The following VEPH1 variants were observed in gnomAD, a reference collection of about 807,000 sequenced individuals.
The protein encoded by VEPH1 is ventricular zone expressed PH domain containing 1, also known as ventricular zone-expressed PH domain-containing protein homolog 1.
VEPH1 carries 80 observed loss-of-function variants against 85.2 expected under a neutral mutation model. That is an observed-to-expected ratio of 0.94 (90% CI 0.78 to 1.13). The LOEUF (loss-of-function observed/expected upper bound fraction) is 1.13. VEPH1 is among the 50% of genes most tolerant of loss of function. The pLI is 0.00. For missense variants in VEPH1, 955 were observed against 980.5 expected (o/e 0.97, Z 0.35); for synonymous variants, 297 against 348.0 (o/e 0.85, Z 1.63).
chr3:157,491,374 G>A (rs1354630663), intron 2 of VEPH1, among the ~76,000 whole-genome samples: 1 of 152,146 alleles, frequency 6.6e-6, no homozygotes, highest in African/African-American at 2.4e-5. Flanking sequence ...AGCCTGGGAG[G>A]AAAGCCAAGT....
chr3:157,481,465 C>CAAAAAA (rs1553796737), intron 2 of VEPH1, among the ~76,000 whole-genome samples: 1 of 63,334 alleles, frequency 1.6e-5, no homozygotes, highest in Non-Finnish European at 3.1e-5. Context: ...CACACACACA[C>CAAAAAA]AAAAAAAAAA....
intron 4 of VEPH1, among the ~76,000 whole-genome samples, chr3:157,440,684 A>G (rs1734050100): frequency 6.7e-6 from 1 of 150,270 alleles, no homozygotes; most frequent in African/African-American, 2.5e-5. Flanking sequence ...GTATACATAC[A>G]TATATATATA....
At chr3:157,416,147 A>T (rs1731893472) in intron 5 of VEPH1, among the ~76,000 whole-genome samples, 1 of 152,194 alleles carries the variant, frequency 6.6e-6, no homozygotes, top group South Asian at 2.1e-4. Flanking sequence ...GCAATAAATC[A>T]AAGGAAGGTA....
chr3:157,332,855 C>G (rs1722632039), intron 9 of VEPH1, among the ~76,000 whole-genome samples: 1 of 152,098 alleles, frequency 6.6e-6, no homozygotes, highest in Admixed American at 6.6e-5. Context: ...CTTACAATGT[C>G]CAAACTTAAA....
At chr3:157,320,149 G>A (rs140317757) in intron 9 of VEPH1, among the ~76,000 whole-genome samples, 5 of 152,252 alleles carry the variant, frequency 3.3e-5, no homozygotes, top group African/African-American at 9.6e-5. Flanking sequence ...GATATGTGTT[G>A]AGAGCAATAG....
chr3:157,379,078 A>G (rs1310138573), intron 7 of VEPH1, among the ~76,000 whole-genome samples: 2 of 152,220 alleles, frequency 1.3e-5, no homozygotes, highest in Non-Finnish European at 2.9e-5. Flanking sequence ...AGTGCTTACT[A>G]TCTGTTAATT....
rs1370260761 is a variant in VEPH1 at position 157,503,274 on chromosome 3, T to A, written c.-158+3A>T. On this transcript the variant is annotated splice_donor_region_variant and intron_variant, in intron 1 of 13. Transcript: ENST00000362010. ...AAAAGGTCATGAAAGAAGATAGCCA[T>A]ACCTCTTTGCACAGGAATCTCTGGT... is the stretch of plus-strand genomic sequence containing the variant. The A allele has an allele frequency of 6.6e-6, 1 of 152,256 alleles. No homozygotes were observed. The highest frequency in any genetic ancestry group is 2.4e-5 in the African/African-American group (1 of 41,468). 9.4% of individuals were successfully genotyped at this position (152,256 alleles called of 1,614,324 possible). A position where few individuals can be genotyped will look rare whatever the true frequency, so the allele number is the denominator to read the frequency against.
chr3:157,261,338 G>T lies in VEPH1; in HGVS notation c.2298C>A (p.Leu766=), dbSNP rs1207680369. The change falls in exon 14 of 14, where the codon CTC becomes CTA. Residue 766 remains leucine, a synonymous_variant. Coordinates refer to ENST00000362010, the MANE Select transcript of VEPH1 (RefSeq NM_001167912.2). ...KDDPDDCPIE[L]SKVQSVKAVA... ...CAGCCTTCACACTCTGTACTTTGCT[G>T]AGTTCTATTGGGCAGTCGTCAGGGT... 6.2e-7 allele frequency: 1 copy of T among 1,613,532 alleles called. No individual in the cohort carries two copies. The highest frequency in any genetic ancestry group is 8.5e-7 in the Non-Finnish European group (1 of 1,179,696).
chr3:157,351,233 G>A (rs1333166696), intron 9 of VEPH1, among the ~76,000 whole-genome samples: 1 of 152,028 alleles, frequency 6.6e-6, no homozygotes, highest in Admixed American at 6.6e-5. Context: ...ATCACCTGAG[G>A]TCAGGAGTTC....
At chr3:157,377,867 ATATT>A (rs1316555004) in intron 7 of VEPH1, among the ~76,000 whole-genome samples, 3 of 152,176 alleles carry the variant, frequency 2.0e-5, no homozygotes, top group African/African-American at 4.8e-5. Context: ...TATTAAAAAT[ATATT>A]TTCCTGTTAA....
intron 9 of VEPH1, among the ~76,000 whole-genome samples, chr3:157,347,593 C>CG (rs1210616011): frequency 1.3e-5 from 2 of 152,146 alleles, no homozygotes; most frequent in Non-Finnish European, 2.9e-5. Flanking sequence ...GCAAGTGCAG[C>CG]GGGGGAGTAG....
chr3:157,456,248 T>C (rs1218997664), intron 4 of VEPH1, among the ~76,000 whole-genome samples: 1 of 152,184 alleles, frequency 6.6e-6, no homozygotes, highest in East Asian at 1.9e-4. Flanking sequence ...TTCTTATAGA[T>C]GTTGGATATT....
chr3:157,322,520 T>G, intron 9 of VEPH1, among the ~76,000 whole-genome samples: 1 of 152,192 alleles, frequency 6.6e-6, no homozygotes, highest in East Asian at 1.9e-4. Context: ...ATGTTTAGAT[T>G]TTTTGAGGAA....
chr3:157,278,949 G>A (rs1447543319), intron 12 of VEPH1, among the ~76,000 whole-genome samples: 1 of 152,162 alleles, frequency 6.6e-6, no homozygotes, highest in Non-Finnish European at 1.5e-5. Context: ...TCTGGAGTCT[G>A]AGGTGGGATG....
intron 9 of VEPH1, among the ~76,000 whole-genome samples, chr3:157,338,161 G>C (rs1341164556): frequency 6.6e-6 from 1 of 152,182 alleles, no homozygotes; most frequent in Non-Finnish European, 1.5e-5. Context: ...CCTATAATGT[G>C]AATGCTGATT....
intron 7 of VEPH1, 66 bp from the exon 8 acceptor site, chr3:157,364,578 C>T (rs1726427006): frequency 7.0e-7 from 1 of 1,432,842 alleles, no homozygotes; most frequent in South Asian, 1.3e-5. Flanking sequence ...GTGTTATTCT[C>T]TATTTAACTG....
At chr3:157,297,102 C>CA (rs1301563226) in intron 11 of VEPH1, among the ~76,000 whole-genome samples, 4 of 151,406 alleles carry the variant, frequency 2.6e-5, no homozygotes, top group Admixed American at 6.6e-5. Flanking sequence ...GACCCCATCT[C>CA]AAAAAAAAGC....
chr3:157,275,652 T>C (rs1378371064), intron 12 of VEPH1, among the ~76,000 whole-genome samples: 1 of 152,144 alleles, frequency 6.6e-6, no homozygotes, highest in Admixed American at 6.6e-5. Flanking sequence ...TATGTAGATA[T>C]TGATTAGATA....
intron 2 of VEPH1, among the ~76,000 whole-genome samples, chr3:157,484,590 T>G (rs1179672480): frequency 6.6e-6 from 1 of 152,200 alleles, no homozygotes; most frequent in African/African-American, 2.4e-5. Flanking sequence ...TGACTATACA[T>G]TTTTTTAAAG....
Sources: gnomAD v4.1 joint callset for allele counts (sites outside exome capture counted in the v4.1 genomes callset) on GRCh38, gnomAD v4.1.1 for gene constraint, MANE v1.5 for transcripts, NCBI Gene and HGNC (gene_info 2026-07-23, HGNC 2026-07-21) for gene names.